The following PNLDC1 variants were observed in gnomAD, a reference collection of about 807,000 sequenced individuals.
PNLDC1 encodes poly(A)-specific ribonuclease PNLDC1.
PNLDC1 carries 70 observed loss-of-function variants against 82.0 expected under a neutral mutation model. The ratio of observed to expected loss-of-function variants is 0.85; its 90% CI spans 0.70 to 1.04. PNLDC1 has a LOEUF of 1.04. PNLDC1 is among the 50% of genes least tolerant of loss of function. The pLI, the probability that PNLDC1 is intolerant of heterozygous loss-of-function variation, is 0.00. For missense variants in PNLDC1, 631 were observed against 661.1 expected, an observed-to-expected ratio of 0.95 and a Z score of 0.50; for synonymous variants, 280 against 249.3, an observed-to-expected ratio of 1.12 and a Z score of -1.16.
At position 159,810,038 on chromosome 6, in the gene PNLDC1, C is replaced by A. The variant is rs771275848; in HGVS notation, c.796C>A (p.His266Asn). The stretch of plus-strand genomic sequence containing the variant: ...TTACTCCAAGTAGCCCTTAGTGGGA[C>A]ATAATATGATGATGGACCTGCTGCA... ...LVKAQKPLVG[H>N]NMMMDLLHLH... The change falls in exon 10 of 19, where the codon CAT becomes AAT. Residue 266 changes from histidine (H) to asparagine (N), a missense_variant. Physicochemically the swap from His to Asn is moderately conservative, Grantham distance 68. Coordinates refer to ENST00000392167, the MANE Select transcript of PNLDC1 (RefSeq NM_001271862.2). 1 of 1,613,992 alleles carries A rather than the reference C, an allele frequency of 6.2e-7. No homozygotes were observed. Among genetic ancestry groups the A allele is most frequent in the Non-Finnish European group, 8.5e-7 (1 of 1,179,878 alleles).
At chr6:159,820,121 G>A (rs1199431790) in intron 18 of PNLDC1, among the ~76,000 whole-genome samples, 1 of 152,180 alleles carries the variant, frequency 6.6e-6, no homozygotes, top group Non-Finnish European at 1.5e-5. Context: ...ACGAATCCAG[G>A]GTTTGAGTCC....
intron 8 of PNLDC1, 89 bp downstream of exon 8, chr6:159,808,905 T>C (rs749984346): frequency 2.5e-4 from 397 of 1,588,992 alleles, no homozygotes; most frequent in Admixed American, 3.2e-4. Context: ...GCTTTTATCT[T>C]GCACGCTGCT....
At position 159,803,303 on chromosome 6, in the gene PNLDC1, G is replaced by T; in HGVS notation, c.241G>T (p.Ala81Ser). 3.1e-6 allele frequency: 5 copies of T among 1,613,740 alleles called. No homozygotes were observed. The highest frequency in any genetic ancestry group is 3.4e-6 in the Non-Finnish European group (4 of 1,179,694). ...TGTGTTTTCCGCTATTGAAGGAGAG[G>T]CAAACAAGTATGTATCAAGAGCTTC... ...LSVFSAIEGE[A>S]NKYIAHSCNF... Residue 81 changes from alanine to serine, a missense_variant, in exon 4 of 19, where the codon GCA (alanine) becomes TCA (serine). Transcript: ENST00000392167.
chr6:159,809,959 C>G (rs1237419151), intron 9 of PNLDC1, 67 bp from the exon 10 acceptor site: 1 of 1,308,902 alleles, frequency 7.6e-7, no homozygotes, highest in Non-Finnish European at 1.1e-6. Flanking sequence ...TTGCAAGAAA[C>G]TGTTAGTCTG....
At position 159,818,968 on chromosome 6, in the gene PNLDC1, C is replaced by A; in HGVS notation, c.1280C>A (p.Pro427His). The change falls in exon 17 of 19, where the codon CCC becomes CAC. Residue 427 changes from proline to histidine, a missense_variant. By Grantham distance (77) the Pro-to-His change is moderately conservative. Transcript: ENST00000392167. Reference sequence around the variant, plus strand: ...TAGAATTTTTCTGGTCCAGATTATCCCAGTATCCGACCTCCCATCCTCATC... The same window carrying A: ...TAGAATTTTTCTGGTCCAGATTATCACAGTATCCGACCTCCCATCCTCATC... The part of the protein sequence containing the change: ...PKINFSGPDY[P>H]SIRPPILILS... 6.2e-7 allele frequency: 1 copy of A among 1,613,892 alleles called. No homozygotes were observed. Among genetic ancestry groups the A allele is most frequent in the Non-Finnish European group, 8.5e-7 (1 of 1,179,970 alleles).
rs745952796 is a variant in PNLDC1 at position 159,800,332 on chromosome 6, G to A, written c.25G>A (p.Glu9Lys). Residue 9 changes from glutamate to lysine, a missense_variant, in exon 1 of 19, where the codon GAG (glutamate) becomes AAG (lysine). Coordinates refer to ENST00000392167, the MANE Select transcript of PNLDC1 (RefSeq NM_001271862.2). ...CATGGACGTGGGCGCCGACGAGTTC[G>A]AGGAGAGCCTCCCTCTGCTGCAGGA... MDVGADEF[E>K]ESLPLLQELV... The A allele has an allele frequency of 5.2e-6, 8 of 1,547,752 alleles. No individual in the cohort carries two copies. Among genetic ancestry groups the A allele is most frequent in the Non-Finnish European group, 5.2e-6 (6 of 1,146,430 alleles).
At chr6:159,801,949 G>A (rs1248238814) in intron 3 of PNLDC1, among the ~76,000 whole-genome samples, 3 of 151,038 alleles carry the variant, frequency 2.0e-5, no homozygotes, top group Non-Finnish European at 3.0e-5. Flanking sequence ...GTGCAGTAGC[G>A]CGATGTGGGC....
intron 13 of PNLDC1, 152 bp from the exon 14 acceptor site, chr6:159,816,391 G>A (rs1473046815): frequency 1.3e-6 from 1 of 749,298 alleles, no homozygotes; most frequent in African/African-American, 1.7e-5. Context: ...CCGTGGGGAG[G>A]ACCAAGGTGA....
At chr6:159,818,751 G>A (rs985150343) in intron 16 of PNLDC1, 97 bp downstream of exon 16, 38 of 1,311,936 alleles carry the variant, frequency 2.9e-5, no homozygotes, top group Non-Finnish European at 4.0e-5. Context: ...GAGGGATTTC[G>A]GTGGTCGGTG....
chr6:159,804,947 A>G (rs1043403257), intron 6 of PNLDC1, among the ~76,000 whole-genome samples: 1 of 152,344 alleles, frequency 6.6e-6, no homozygotes, highest in South Asian at 2.1e-4. Context: ...TTCCAGTGCT[A>G]GAGGGGAAGA....
intron 7 of PNLDC1, among the ~76,000 whole-genome samples, chr6:159,806,908 T>G (rs1289849031): frequency 9.6e-6 from 1 of 103,742 alleles, no homozygotes; most frequent in Non-Finnish European, 2.0e-5. Context: ...TTTTTTTTTT[T>G]GAAGATATAG....
chr6:159,804,834 C>G (rs1161272221), intron 6 of PNLDC1, among the ~76,000 whole-genome samples, 197 bp downstream of exon 6: 1 of 152,184 alleles, frequency 6.6e-6, no homozygotes. Flanking sequence ...CCATCATGTT[C>G]CACTCCCTAA....
At chr6:159,803,709 G>A (rs537261311) in intron 4 of PNLDC1, among the ~76,000 whole-genome samples, 15 of 152,234 alleles carry the variant, frequency 9.9e-5, no homozygotes, top group Admixed American at 4.6e-4. Flanking sequence ...GTGCCAGCCT[G>A]CACGCCCTAA....
At chr6:159,806,199 T>A in intron 7 of PNLDC1, 116 bp downstream of exon 7, 1 of 757,632 alleles carries the variant, frequency 1.3e-6, no homozygotes, top group Admixed American at 2.0e-5. Flanking sequence ...GCCTCATGAC[T>A]GAGTCTGATG....
At chr6:159,804,908 A>G (rs995036712) in intron 6 of PNLDC1, among the ~76,000 whole-genome samples, 1 of 152,220 alleles carries the variant, frequency 6.6e-6, no homozygotes, top group African/African-American at 2.4e-5. Context: ...CTGACTCCTA[A>G]TTTGGAACTC....
intron 12 of PNLDC1, among the ~76,000 whole-genome samples, chr6:159,815,593 G>C (rs1345132034): frequency 1.3e-5 from 2 of 152,200 alleles, no homozygotes; most frequent in Admixed American, 1.3e-4. Context: ...AAGCCTGCAG[G>C]GTCCTGGCGT....
At chr6:159,800,994 C>G in intron 2 of PNLDC1, 119 bp from the exon 3 acceptor site, 2 of 1,449,532 alleles carry the variant, frequency 1.4e-6, no homozygotes, top group Non-Finnish European at 1.9e-6. Context: ...GTAGTGCTCC[C>G]TAGTTGTTGT....
rs369280663 is a variant in PNLDC1 at position 159,806,028 on chromosome 6, G to A, written c.507G>A (p.Thr169=). The part of the protein sequence containing the change: ...DQIKVVIDEV[T]RWLELAKEGD... The stretch of plus-strand genomic sequence containing the variant: ...TCAAGGTGGTGATTGACGAAGTGAC[G>A]CGGTGGCTGGAGCTGGCCAAGGAAG... The change falls in exon 7 of 19, where the codon ACG becomes ACA. Residue 169 remains threonine (T), a synonymous_variant. Coordinates refer to ENST00000392167, the MANE Select transcript of PNLDC1 (RefSeq NM_001271862.2). 61 of 1,614,024 alleles carry A rather than the reference G, an allele frequency of 3.8e-5. No individual in the cohort carries two copies. The highest frequency in any genetic ancestry group is 6.7e-5 in the African/African-American group (5 of 74,924).
intron 3 of PNLDC1, among the ~76,000 whole-genome samples, chr6:159,801,912 G>A (rs1433315602): frequency 6.6e-6 from 1 of 152,070 alleles, no homozygotes; most frequent in East Asian, 1.9e-4. Flanking sequence ...TTCTGAGATG[G>A]AGTCTCGCTC....
Sources: allele counts gnomAD v4.1 joint callset (sites outside exome capture counted in the v4.1 genomes callset), GRCh38; gene constraint gnomAD v4.1.1; transcripts MANE v1.5; gene names NCBI Gene and HGNC (gene_info 2026-07-23, HGNC 2026-07-21).